BCAS3: variants seen among roughly 807,000 people sequenced by gnomAD.
The protein encoded by BCAS3 is BCAS3 microtubule associated cell migration factor.
In BCAS3, 53 loss-of-function variants were observed where a neutral mutation model predicts 116.1. That is an observed-to-expected ratio of 0.46 (90% CI 0.37 to 0.57). The LOEUF is 0.57. Ranked by LOEUF, BCAS3 falls within the 20% of genes least tolerant of loss-of-function variation. The pLI, the probability that BCAS3 is intolerant of heterozygous loss-of-function variation, is 0.00. For missense variants in BCAS3, 917 were observed against 1,165.4 expected (o/e 0.79, Z 3.10); for synonymous variants, 391 against 408.2 (o/e 0.96, Z 0.51).
chr17:60,799,924 A>G (rs1456495320), intron 6 of BCAS3, among the ~76,000 whole-genome samples: 1 of 151,622 alleles, frequency 6.6e-6, no homozygotes, highest in East Asian at 1.9e-4. Flanking sequence ...TTAGTCTATC[A>G]GTAGTTAATT....
At chr17:60,715,723 T>G (rs2038521168) in intron 5 of BCAS3, among the ~76,000 whole-genome samples, 1 of 152,158 alleles carries the variant, frequency 6.6e-6, no homozygotes, top group Non-Finnish European at 1.5e-5. Flanking sequence ...CCTCAAGTGA[T>G]CTGCCTGCCT....
intron 3 of BCAS3, among the ~76,000 whole-genome samples, chr17:60,688,699 C>T (rs2034414395): frequency 2.0e-5 from 3 of 151,792 alleles, no homozygotes; most frequent in Admixed American, 1.3e-4. Context: ...GCCTATAGTT[C>T]CAGCTACTTG....
In BCAS3 at chr17:61,235,534, G is replaced by A. The variant is rs1199073021; in HGVS notation, c.2426-132793G>A. ...TCCAAACAGATTGTGAGGTGACTAC[G>A]TAGTACAGAAGTACAGTGAAATATG... is the stretch of plus-strand genomic sequence containing the variant. On this transcript the variant is annotated intron_variant, in intron 22 of 23. Coordinates refer to ENST00000407086, the MANE Select transcript of BCAS3 (RefSeq NM_017679.5). This position sits in a 1 kb window ranked among gnomAD's most constrained non-coding sequence, Gnocchi z 5.0. 2.6e-5 allele frequency among the ~76,000 whole-genome samples: 4 copies of A among 152,132 alleles called. No individual in the cohort carries two copies. The East Asian group carries it at 5.8e-4, about 22-fold the overall frequency.
intron 10 of BCAS3, among the ~76,000 whole-genome samples, chr17:60,895,745 A>G (rs1480270106): frequency 2.0e-5 from 3 of 152,094 alleles, no homozygotes; most frequent in African/African-American, 7.2e-5. Context: ...GTGTTTCAAG[A>G]TCATCATTTG....
intron 22 of BCAS3, among the ~76,000 whole-genome samples, chr17:61,182,084 T>C (rs1333914381): frequency 1.3e-5 from 2 of 152,134 alleles, no homozygotes; most frequent in Non-Finnish European, 1.5e-5. Context: ...TGTTTTGCCC[T>C]GTTGGTCTCA....
chr17:60,845,798 T>TC (rs2052468594), intron 7 of BCAS3, among the ~76,000 whole-genome samples: 1 of 149,490 alleles, frequency 6.7e-6, no homozygotes, highest in African/African-American at 2.5e-5. Flanking sequence ...TTTTTTTTTT[T>TC]CTCTCTCTCT....
rs1254322492 is a variant in BCAS3, at chr17:61,032,228, T to G, written c.1638-2438T>G. Reference sequence around the variant, plus strand: ...TGCTCACTTGTTACTTACCACATGATTTAAAAACAACAACAATGACATCCA... The same window carrying G: ...TGCTCACTTGTTACTTACCACATGAGTTAAAAACAACAACAATGACATCCA... On this transcript the variant is annotated intron_variant, in intron 16 of 23. Transcript: ENST00000407086. This position sits in a 1 kb window ranked among gnomAD's most constrained non-coding sequence, Gnocchi z 4.6. Among the ~76,000 whole-genome samples the G allele has an allele frequency of 1.3e-5, 2 of 152,122 alleles. No homozygotes were observed. The highest frequency in any genetic ancestry group is 2.9e-5 in the Non-Finnish European group (2 of 67,980).
chr17:60,697,704 A>G (rs1010528530), intron 4 of BCAS3, among the ~76,000 whole-genome samples: 3 of 152,120 alleles, frequency 2.0e-5, no homozygotes, highest in African/African-American at 7.2e-5. Context: ...GAGGGAGAGT[A>G]TACTGAGTGC....
chr17:60,681,776 C>G (rs1004289064), intron 2 of BCAS3, among the ~76,000 whole-genome samples: 5 of 151,892 alleles, frequency 3.3e-5, no homozygotes, highest in Admixed American at 2.0e-4. Flanking sequence ...TTTGCCCAGG[C>G]TGGAGTGCGA....
rs548129888 is a variant in BCAS3, at chr17:61,028,001, T to C, written c.1638-6665T>C. On this transcript the variant is annotated intron_variant, in intron 16 of 23. Coordinates refer to ENST00000407086, the MANE Select transcript of BCAS3 (RefSeq NM_017679.5). This position sits in a 1 kb window ranked among gnomAD's most constrained non-coding sequence, Gnocchi z 4.3. ...TTTGAGAAATGTAAGCTATATTAAT[T>C]TTATTAATTTAGTCAGAATACTGAA... 2.6e-5 allele frequency among the ~76,000 whole-genome samples: 4 copies of C among 152,042 alleles called. No homozygotes were observed. The East Asian group carries it at 7.7e-4, about 29-fold the overall frequency.
chr17:60,722,497 T>C (rs900734086), intron 5 of BCAS3, among the ~76,000 whole-genome samples: 2 of 152,140 alleles, frequency 1.3e-5, no homozygotes, highest in Non-Finnish European at 2.9e-5. Context: ...GTGCGGTGGC[T>C]CATGCCTGTA....
Position 61,213,430 on chromosome 17 carries a change from A to G in BCAS3, c.2425+128866A>G, listed in dbSNP as rs1038788539. ...TGATCCACCCGCCTCGACTTCCCAA[A>G]GTGCTGGGATTACAGGTGTGAGCCA... On this transcript the variant is annotated intron_variant, in intron 22 of 23. Transcript: ENST00000407086. The surrounding 1 kb of genome is among the most constrained non-coding windows in gnomAD (Gnocchi z 5.4). Among the ~76,000 whole-genome samples the G allele has an allele frequency of 1.3e-5, 2 of 152,116 alleles. No homozygotes were observed. Among genetic ancestry groups the G allele is most frequent in the Non-Finnish European group, 2.9e-5 (2 of 68,018 alleles).
intron 14 of BCAS3, among the ~76,000 whole-genome samples, chr17:60,966,662 CTT>C (rs754857618): frequency 0.078 from 10,405 of 132,944 alleles, 1,115 homozygotes; most frequent in African/African-American, 0.27. Context: ...TATCACCCAA[CTT>C]TTTTTTTTTT....
At chr17:60,775,380 GCAT>G in intron 6 of BCAS3, among the ~76,000 whole-genome samples, 1 of 152,162 alleles carries the variant, frequency 6.6e-6, no homozygotes, top group South Asian at 2.1e-4. Flanking sequence ...TCAGAGTCTG[GCAT>G]CATTTTTTTC....
At position 61,098,992 on chromosome 17, in the gene BCAS3, C is replaced by T. The variant is rs571413803; in HGVS notation, c.2425+14428C>T. On this transcript the variant is annotated intron_variant, in intron 22 of 23. Coordinates refer to ENST00000407086, the MANE Select transcript of BCAS3 (RefSeq NM_017679.5). This position sits in a 1 kb window ranked among gnomAD's most constrained non-coding sequence, Gnocchi z 4.2. Reference sequence around the variant, plus strand: ...ACGAAAAATTAGCCGGGCATGGTGGCGCACACCTGTAGTCCCAGCTACTCA... The same window carrying T: ...ACGAAAAATTAGCCGGGCATGGTGGTGCACACCTGTAGTCCCAGCTACTCA... 6.6e-4 allele frequency among the ~76,000 whole-genome samples: 101 copies of T among 152,172 alleles called. 1 individual carries two copies. Among genetic ancestry groups the T allele is most frequent in the Non-Finnish European group, 1.1e-3 (78 of 67,992 alleles).
intron 4 of BCAS3, among the ~76,000 whole-genome samples, chr17:60,704,241 G>GA (rs1483547004): frequency 4.6e-5 from 7 of 152,034 alleles, no homozygotes; most frequent in African/African-American, 7.2e-5. Context: ...CCTATTCTGG[G>GA]AAAAAAATGC....
At chr17:60,741,094 A>G (rs1334780321) in intron 5 of BCAS3, among the ~76,000 whole-genome samples, 1 of 152,190 alleles carries the variant, frequency 6.6e-6, no homozygotes, top group Non-Finnish European at 1.5e-5. Flanking sequence ...CTACCTTGGT[A>G]CTGAGTCCTG....
At chr17:61,025,628 G>T (rs1378923858) in intron 16 of BCAS3, among the ~76,000 whole-genome samples, 1 of 152,078 alleles carries the variant, frequency 6.6e-6, no homozygotes, top group Non-Finnish European at 1.5e-5. Flanking sequence ...TTTAAATGTG[G>T]ATGCTGACAT....
At chr17:61,357,384 T>C (rs1603018032) in intron 22 of BCAS3, among the ~76,000 whole-genome samples, 1 of 149,864 alleles carries the variant, frequency 6.7e-6, no homozygotes, top group South Asian at 2.1e-4. Flanking sequence ...AAGCTATGAT[T>C]GCACCACTGC....
Sources: allele counts gnomAD v4.1 joint callset (sites outside exome capture counted in the v4.1 genomes callset), GRCh38; gene constraint gnomAD v4.1.1; non-coding constraint Gnocchi (gnomAD v3.1); transcripts MANE v1.5; gene names NCBI Gene and HGNC (gene_info 2026-07-23, HGNC 2026-07-21).